Variants in GRHL2 observed in about 807,000 individuals in gnomAD.
GRHL2 encodes grainyhead-like protein 2 homolog.
Under a neutral mutation model 83.8 loss-of-function variants are expected in GRHL2, and 21 were observed. The observed-to-expected ratio is 0.25, with a 90% CI of 0.18 to 0.36. The LOEUF (loss-of-function observed/expected upper bound fraction) is 0.36, where lower values mean the gene tolerates loss of function less well. GRHL2 is among the 10% of genes least tolerant of loss of function. The probability of loss-of-function intolerance (pLI) is 1.00; values close to 1 mark genes in which losing one functional copy is unlikely to be tolerated. For missense variants in GRHL2, 623 were observed against 781.8 expected (o/e 0.80, Z 2.42); for synonymous variants, 280 against 278.9 (o/e 1.00, Z -0.04).
In GRHL2 at chr8:101,558,487, A is replaced by C; in HGVS notation, c.353A>C (p.Lys118Thr). The C allele has an allele frequency of 6.2e-7, 1 of 1,614,206 alleles. No individual in the cohort carries two copies. Among genetic ancestry groups the C allele is most frequent in the Non-Finnish European group, 8.5e-7 (1 of 1,180,032 alleles). Residue 118 changes from lysine (K) to threonine (T), a missense_variant, in exon 4 of 16, where the codon AAG becomes ACG. By Grantham distance (78) the Lys-to-Thr change is moderately conservative. Transcript: ENST00000646743. The part of the protein sequence containing the change: ...SGGENRVQVL[K>T]TVPVNLSLNQ... ...GGAGAAAACCGAGTGCAAGTCCTAA[A>C]GACTGTTCCAGTGAACCTTTCCCTA...
intron 7 of GRHL2, among the ~76,000 whole-genome samples, chr8:101,595,622 G>T (rs564554832): frequency 6.6e-6 from 1 of 152,076 alleles, no homozygotes; most frequent in Admixed American, 6.6e-5. Context: ...GGAAGCACAG[G>T]TTTATATTTA....
chr8:101,677,973 A>C, the GRHL2 span, among the ~76,000 whole-genome samples: 1 of 152,128 alleles, frequency 6.6e-6, no homozygotes, highest in Non-Finnish European at 1.5e-5. Flanking sequence ...TGACTTACAA[A>C]ACATAAGACT....
chr8:101,509,750 A>G (rs1810426101), intron 1 of GRHL2, among the ~76,000 whole-genome samples: 1 of 152,190 alleles, frequency 6.6e-6, no homozygotes, highest in Non-Finnish European at 1.5e-5. Flanking sequence ...TTCTAGTAGA[A>G]GGTTAAACTT....
chr8:101,599,242 C>T (rs1231047739), intron 8 of GRHL2, 91 bp downstream of exon 8: 1 of 858,830 alleles, frequency 1.2e-6, no homozygotes, highest in Non-Finnish European at 2.0e-6. Flanking sequence ...CAGTAGCCTC[C>T]TATTAAAAAG....
intron 1 of GRHL2, among the ~76,000 whole-genome samples, chr8:101,525,418 T>TA (rs1002428346): frequency 2.0e-5 from 3 of 152,208 alleles, no homozygotes; most frequent in Non-Finnish European, 4.4e-5. Flanking sequence ...CAGTAAATTT[T>TA]AAAAAATACT....
intron 4 of GRHL2, among the ~76,000 whole-genome samples, chr8:101,565,850 C>A (rs1454797711): frequency 6.6e-6 from 1 of 152,152 alleles, no homozygotes; most frequent in Non-Finnish European, 1.5e-5. Context: ...CAACTCCAGG[C>A]ATGTTATTTG....
At chr8:101,550,040 T>A (rs573946754) in intron 2 of GRHL2, among the ~76,000 whole-genome samples, 1 of 152,040 alleles carries the variant, frequency 6.6e-6, no homozygotes, top group South Asian at 2.1e-4. Context: ...CTTTTTTCTA[T>A]ATATGTATAG....
At chr8:101,577,544 A>T (rs369794096) in intron 7 of GRHL2, 25 bp downstream of exon 7, 23 of 1,423,540 alleles carry the variant, frequency 1.6e-5, no homozygotes, top group Non-Finnish European at 2.1e-5. Flanking sequence ...ACTTCCCTGT[A>T]TAGTCCTCGA....
At chr8:101,651,146 C>T (rs1427407325) in intron 14 of GRHL2, among the ~76,000 whole-genome samples, 1 of 152,202 alleles carries the variant, frequency 6.6e-6, no homozygotes, top group Non-Finnish European at 1.5e-5. Flanking sequence ...AGGGGATAGA[C>T]TAAGCTGGAA....
At position 101,666,619 on chromosome 8, in the gene GRHL2, C is replaced by T. The variant is rs770078441; in HGVS notation, c.1794C>T (p.Ile598=). ...GILVNMDDNI[I]EHYSNEDTFI... ...TGGTGAACATGGATGACAACATCATCGAGCACTACTCGAACGAGGACACCT... is the reference window on the plus strand; with the variant it reads ...TGGTGAACATGGATGACAACATCATTGAGCACTACTCGAACGAGGACACCT... Residue 598 remains isoleucine, a synonymous_variant, in exon 16 of 16, where the codon ATC becomes ATT. Coordinates refer to ENST00000646743, the MANE Select transcript of GRHL2 (RefSeq NM_024915.4). 21 of 1,612,504 alleles carry T rather than the reference C, an allele frequency of 1.3e-5. No homozygotes were observed. Among genetic ancestry groups the T allele is most frequent in the South Asian group, 5.5e-5 (5 of 91,030 alleles).
At chr8:101,624,535 GAGTACACAGTAGGAC>G (rs72219256) in intron 9 of GRHL2, among the ~76,000 whole-genome samples, 2,124 of 11,244 alleles carry the variant, frequency 0.19, 79 homozygotes, top group Middle Eastern at 0.33. Flanking sequence ...AGACAGTTCA[GAGTACACAGTAGGAC>G]AGTACACAGT....
chr8:101,558,667 A>G lies in GRHL2; in HGVS notation c.533A>G (p.Asp178Gly). Reference sequence around the variant, plus strand: ...CCACCTGTGCACTATCCCCGGGGAGATGGGGAAGAGCAACGAGTGGTTATC... The same window carrying G: ...CCACCTGTGCACTATCCCCGGGGAGGTGGGGAAGAGCAACGAGTGGTTATC... ...MAPPVHYPRG[D>G]GEEQRVVIFE... is the part of the protein sequence containing the mutation. Residue 178 changes from aspartate (D) to glycine (G), a missense_variant, in exon 4 of 16, where the codon GAT (aspartate) becomes GGT (glycine). This residue lies in a region of GRHL2 where 239 missense variants were observed against 240.5 expected (regional missense o/e 0.99). Transcript: ENST00000646743. 3 of 1,614,120 alleles carry G rather than the reference A, an allele frequency of 1.9e-6. No individual in the cohort carries two copies. The highest frequency in any genetic ancestry group is 2.2e-5 in the East Asian group (1 of 44,880).
chr8:101,573,991 T>C, intron 6 of GRHL2, 167 bp downstream of exon 6: 1 of 753,666 alleles, frequency 1.3e-6, no homozygotes, highest in South Asian at 1.6e-5. Flanking sequence ...TCGTAGTTGA[T>C]CATTGTAATC....
intron 8 of GRHL2, among the ~76,000 whole-genome samples, chr8:101,604,676 T>A (rs10955259): frequency 0.51 from 77,338 of 151,944 alleles, 21,579 homozygotes; most frequent in African/African-American, 0.74. Flanking sequence ...ATACATAAGA[T>A]TAAAAAAAGC....
At chr8:101,586,089 T>TTTTTTTTTTTTTG (rs1289272635) in intron 7 of GRHL2, among the ~76,000 whole-genome samples, 5 of 136,718 alleles carry the variant, frequency 3.7e-5, no homozygotes, top group Admixed American at 7.6e-5. Context: ...TTTTTTTTTT[T>TTTTTTTTTTTTTG]TGAGACGGAG....
chr8:101,662,552 C>T (rs1182050305), intron 14 of GRHL2, among the ~76,000 whole-genome samples: 1 of 152,172 alleles, frequency 6.6e-6, no homozygotes, highest in East Asian at 1.9e-4. Flanking sequence ...TTCCAATAAT[C>T]CACATTTCAA....
intron 9 of GRHL2, among the ~76,000 whole-genome samples, chr8:101,622,963 C>G (rs1812994449): frequency 6.6e-6 from 1 of 152,190 alleles, no homozygotes; most frequent in South Asian, 2.1e-4. Context: ...TGAGTTACAT[C>G]ACTTAGAGTA....
chr8:101,560,785 C>A (rs1310496531), intron 4 of GRHL2, among the ~76,000 whole-genome samples: 2 of 151,950 alleles, frequency 1.3e-5, no homozygotes, highest in Non-Finnish European at 2.9e-5. Context: ...CTTATTTGGC[C>A]CTTCCTATAA....
chr8:101,494,181 A>T (rs541596235), intron 1 of GRHL2, among the ~76,000 whole-genome samples: 3 of 152,244 alleles, frequency 2.0e-5, no homozygotes, highest in Non-Finnish European at 4.4e-5. Context: ...TGGGCCTGTC[A>T]TGGAGAAGTG....
Sources: allele counts gnomAD v4.1 joint callset (sites outside exome capture counted in the v4.1 genomes callset), GRCh38; gene constraint gnomAD v4.1.1; regional missense constraint gnomAD v4.1.1; transcripts MANE v1.5; gene names NCBI Gene and HGNC (gene_info 2026-07-23, HGNC 2026-07-21).